PAK5: variants seen among roughly 807,000 people sequenced by gnomAD.
The protein encoded by PAK5 is serine/threonine-protein kinase PAK 5.
PAK5 carries 16 observed loss-of-function variants against 65.9 expected under a neutral mutation model. The observed-to-expected ratio is 0.24, with a 90% confidence interval of 0.16 to 0.37. The LOEUF (loss-of-function observed/expected upper bound fraction) is 0.37, where lower values mean the gene tolerates loss of function less well. Among genes scored for constraint, PAK5 ranks in the 10% least tolerant of loss-of-function variants. The pLI, the probability that PAK5 is intolerant of heterozygous loss-of-function variation, is 1.00. For synonymous variants in PAK5, 371 were observed against 354.9 expected, an observed-to-expected ratio of 1.05 and a Z score of -0.51; for missense variants, 785 against 903.9, an observed-to-expected ratio of 0.87 and a Z score of 1.69.
At chr20:9,682,010 C>T (rs560274832) in intron 2 of PAK5, among the ~76,000 whole-genome samples, 1 of 152,300 alleles carries the variant, frequency 6.6e-6, no homozygotes, top group South Asian at 2.1e-4. Flanking sequence ...CTTCCACCTA[C>T]AACGAGAAAA....
chr20:9,703,461 G>C (rs2047965385), intron 2 of PAK5, among the ~76,000 whole-genome samples: 1 of 152,162 alleles, frequency 6.6e-6, no homozygotes, highest in South Asian at 2.1e-4. Context: ...ATCCTGTCAT[G>C]TGGAATGTGG....
chr20:9,556,138 A>ACT (rs1478443050), intron 7 of PAK5, among the ~76,000 whole-genome samples: 3 of 152,220 alleles, frequency 2.0e-5, no homozygotes, highest in Non-Finnish European at 4.4e-5. Context: ...GCAAAACCTG[A>ACT]CTGATACATG....
chr20:9,565,717 AAC>A (rs1338485135), intron 5 of PAK5, among the ~76,000 whole-genome samples, 174 bp downstream of exon 5: 5 of 152,248 alleles, frequency 3.3e-5, no homozygotes, highest in African/African-American at 1.2e-4. Context: ...TTATAGATGT[AAC>A]AGCCATATAT....
chr20:9,568,517 C>G lies in PAK5; in HGVS notation c.991-2133G>C, dbSNP rs567203502. ...AAATTGCTCTCAATGACCTGTGCCT[C>G]CTGACATTCATATTCCTATGTAGTC... is the stretch of plus-strand genomic sequence containing the variant. On this transcript the variant is annotated intron_variant, in intron 4 of 9. Coordinates refer to ENST00000353224, the MANE Select transcript of PAK5 (RefSeq NM_177990.4). 4.4e-4 allele frequency among the ~76,000 whole-genome samples: 67 copies of G among 152,256 alleles called. No homozygotes were observed. The Middle Eastern group carries it at 0.01, about 23-fold the overall frequency.
intron 1 of PAK5, among the ~76,000 whole-genome samples, chr20:9,716,966 C>T (rs1012682755): frequency 6.6e-6 from 1 of 151,762 alleles, no homozygotes; most frequent in Non-Finnish European, 1.5e-5. Context: ...AGGCCTGTAG[C>T]CCCAGCTACT....
At chr20:9,604,451 T>C (rs2046415472) in intron 3 of PAK5, among the ~76,000 whole-genome samples, 1 of 152,206 alleles carries the variant, frequency 6.6e-6, no homozygotes, top group South Asian at 2.1e-4. Context: ...TCCCCTTTGC[T>C]ATTGAGGTTA....
At chr20:9,762,062 T>G (rs1263883484) in intron 1 of PAK5, among the ~76,000 whole-genome samples, 2 of 152,056 alleles carry the variant, frequency 1.3e-5, no homozygotes, top group African/African-American at 4.8e-5. Flanking sequence ...AATATTCACA[T>G]GTAAAATAAT....
chr20:9,759,974 G>T (rs1304263583), intron 1 of PAK5, among the ~76,000 whole-genome samples: 1 of 152,160 alleles, frequency 6.6e-6, no homozygotes, highest in Non-Finnish European at 1.5e-5. Flanking sequence ...GCTGCAAAAA[G>T]CTGCTATCCT....
Position 9,605,507 on chromosome 20 carries a change from T to TA in PAK5, c.205-24578dup, listed in dbSNP as rs534303858. ...CTCTGTAAATATCAGATTCCTTCCC[T>TA]AAAAAACAGACATAATGATATATTG... On this transcript the variant is annotated intron_variant, in intron 3 of 9. Coordinates refer to ENST00000353224, the MANE Select transcript of PAK5 (RefSeq NM_177990.4). Among the ~76,000 whole-genome samples, 503 of 152,276 alleles carry TA rather than the reference T, an allele frequency of 3.3e-3. 5 individuals are homozygous for TA. The highest frequency in any genetic ancestry group is 0.011 in the African/African-American group (471 of 41,558).
At chr20:9,580,979 T>A (rs370428340) in intron 3 of PAK5, 49 bp from the exon 4 acceptor site, 4 of 1,376,914 alleles carry the variant, frequency 2.9e-6, no homozygotes, top group East Asian at 4.6e-5. Flanking sequence ...TTCATGGATT[T>A]AAATTGATGG....
intron 1 of PAK5, among the ~76,000 whole-genome samples, chr20:9,721,700 A>G (rs1218677698): frequency 1.3e-5 from 2 of 150,574 alleles, no homozygotes; most frequent in African/African-American, 4.9e-5. Context: ...GCCAGTGAGC[A>G]CAAAGCTTGC....
At chr20:9,544,567 CAG>C (rs2045315314) in intron 7 of PAK5, 73 bp from the exon 8 acceptor site, 4 of 1,411,686 alleles carry the variant, frequency 2.8e-6, no homozygotes, top group Non-Finnish European at 4.0e-6. Context: ...TACAAACATA[CAG>C]AGTTTCAAAT....
intron 1 of PAK5, among the ~76,000 whole-genome samples, chr20:9,782,048 A>G (rs893196910): frequency 6.6e-6 from 1 of 152,074 alleles, no homozygotes; most frequent in African/African-American, 2.4e-5. Context: ...AGAGCCTTAT[A>G]TGATCTACTC....
intron 2 of PAK5, among the ~76,000 whole-genome samples, chr20:9,653,749 C>T (rs781714180): frequency 3.9e-5 from 6 of 152,110 alleles, no homozygotes; most frequent in East Asian, 1.9e-4. Context: ...TATTTTCTTA[C>T]GGTTCTGGAG....
At chr20:9,687,543 G>A (rs1057251605) in intron 2 of PAK5, among the ~76,000 whole-genome samples, 1 of 152,084 alleles carries the variant, frequency 6.6e-6, no homozygotes, top group African/African-American at 2.4e-5. Context: ...ATCATACAGG[G>A]GCGTCTTTGG....
chr20:9,659,131 G>A (rs1035363549), intron 2 of PAK5, among the ~76,000 whole-genome samples: 2 of 152,124 alleles, frequency 1.3e-5, no homozygotes, highest in African/African-American at 4.8e-5. Flanking sequence ...AAATTGTATT[G>A]TGGGTGTGTG....
intron 1 of PAK5, among the ~76,000 whole-genome samples, chr20:9,831,256 G>A (rs1031227318): frequency 1.3e-5 from 2 of 152,150 alleles, no homozygotes; most frequent in African/African-American, 2.4e-5. Context: ...CCCATCCCCC[G>A]CCACATTCCT....
At chr20:9,704,292 C>A (rs1200989752) in intron 2 of PAK5, among the ~76,000 whole-genome samples, 1 of 152,130 alleles carries the variant, frequency 6.6e-6, no homozygotes, top group Non-Finnish European at 1.5e-5. Context: ...TCAGAGCATG[C>A]CTTAAGTTGG....
intron 1 of PAK5, among the ~76,000 whole-genome samples, chr20:9,757,157 C>T (rs1045844088): frequency 3.3e-5 from 5 of 152,122 alleles, no homozygotes; most frequent in African/African-American, 1.2e-4. Context: ...GTTACTTCCT[C>T]AATAAACTAT....
Sources: allele counts gnomAD v4.1 joint callset (sites outside exome capture counted in the v4.1 genomes callset), GRCh38; gene constraint gnomAD v4.1.1; transcripts MANE v1.5; gene names NCBI Gene and HGNC (gene_info 2026-07-23, HGNC 2026-07-21).